The following ASIC2 variants were observed in gnomAD, a reference collection of about 807,000 sequenced individuals.
ASIC2 encodes acid sensing ion channel subunit 2, also known as acid-sensing ion channel 2.
ASIC2 carries 25 observed loss-of-function variants against 57.3 expected under a neutral mutation model. The observed-to-expected ratio is 0.44, with a 90% confidence interval of 0.32 to 0.61. ASIC2 has a LOEUF of 0.61. Ranked by LOEUF, ASIC2 falls within the 20% of genes least tolerant of loss-of-function variation. The pLI is 0.06. For missense variants in ASIC2, 641 were observed against 738.1 expected, an observed-to-expected ratio of 0.87 and a Z score of 1.52; for synonymous variants, 319 against 307.5, an observed-to-expected ratio of 1.04 and a Z score of -0.39.
At chr17:33,524,468 A>ATGAGAATTT (rs1245557273) in intron 1 of ASIC2, among the ~76,000 whole-genome samples, 1 of 152,212 alleles carries the variant, frequency 6.6e-6, no homozygotes. Context: ...TATGATGGAA[A>ATGAGAATTT]TGAGAATTTA....
chr17:33,299,322 C>T (rs182815934), intron 1 of ASIC2, among the ~76,000 whole-genome samples: 87 of 152,284 alleles, frequency 5.7e-4, no homozygotes, highest in African/African-American at 2.0e-3. Flanking sequence ...CTAGAGGTGG[C>T]CAGTGTTATA....
At chr17:33,311,882 CTCAGCAAATGGCTCCACCA>C (rs1035787653) in intron 1 of ASIC2, among the ~76,000 whole-genome samples, 12 of 152,310 alleles carry the variant, frequency 7.9e-5, no homozygotes, top group South Asian at 2.1e-4. Flanking sequence ...TCTTGAGTTT[CTCAGCAAATGGCTCCACCA>C]TCAGCAAATG....
intron 3 of ASIC2, among the ~76,000 whole-genome samples, chr17:33,037,066 A>G (rs946731962): frequency 2.0e-5 from 3 of 150,068 alleles, no homozygotes; most frequent in African/African-American, 4.9e-5. Flanking sequence ...ATGTTTATCT[A>G]TGTAACAAAC....
At position 33,882,238 on chromosome 17, in the gene ASIC2, A is replaced by G. The variant is rs182679293; in HGVS notation, c.555+273740T>C. 9.5e-3 allele frequency among the ~76,000 whole-genome samples: 1,444 copies of G among 152,368 alleles called. 18 individuals carry two copies. Among genetic ancestry groups the G allele is most frequent in the African/African-American group, 0.033 (1,378 of 41,580 alleles). On this transcript the variant is annotated intron_variant, in intron 1 of 9. Transcript: ENST00000359872. ...GTCTAAAACACCAAAAGCAATGGCA[A>G]TAAAAGCCAAAATTGACAAATGGGA...
intron 1 of ASIC2, chr17:34,038,006 G>A: frequency 1.2e-6 from 2 of 1,613,426 alleles, no homozygotes; most frequent in Non-Finnish European, 1.7e-6. Context: ...ACACTCTGGT[G>A]GTAAATACCA....
At chr17:33,592,128 C>T (rs1251298848) in intron 1 of ASIC2, among the ~76,000 whole-genome samples, 1 of 152,170 alleles carries the variant, frequency 6.6e-6, no homozygotes. Flanking sequence ...TGAGGACACA[C>T]CAGCACACAA....
chr17:33,636,419 G>A (rs996159376), intron 1 of ASIC2, among the ~76,000 whole-genome samples: 4 of 152,140 alleles, frequency 2.6e-5, no homozygotes, highest in African/African-American at 7.2e-5. Context: ...CCTACCATGT[G>A]TCAGGACATC....
At chr17:33,741,087 G>A (rs1222040882) in intron 1 of ASIC2, among the ~76,000 whole-genome samples, 1 of 152,200 alleles carries the variant, frequency 6.6e-6, no homozygotes, top group Non-Finnish European at 1.5e-5. Context: ...AGTGCACGGA[G>A]CTGTCGAAGG....
At chr17:33,476,891 T>C (rs1230139110) in intron 1 of ASIC2, among the ~76,000 whole-genome samples, 1 of 152,090 alleles carries the variant, frequency 6.6e-6, no homozygotes, top group African/African-American at 2.4e-5. Context: ...AGAAATGGTT[T>C]GCATATAGGA....
At chr17:33,062,798 A>T (rs1247724976) in intron 3 of ASIC2, among the ~76,000 whole-genome samples, 4 of 152,140 alleles carry the variant, frequency 2.6e-5, no homozygotes, top group African/African-American at 9.7e-5. Flanking sequence ...TGGGAGTCTA[A>T]GTCTCTTTGT....
At chr17:33,237,608 A>G (rs1908345166) in intron 1 of ASIC2, among the ~76,000 whole-genome samples, 1 of 152,168 alleles carries the variant, frequency 6.6e-6, no homozygotes, top group African/African-American at 2.4e-5. Context: ...CTGGGATTAC[A>G]GGTGTGAGCC....
intron 1 of ASIC2, chr17:33,541,364 A>C (rs1265774676): frequency 6.6e-6 from 1 of 152,208 alleles, no homozygotes; most frequent in Non-Finnish European, 1.5e-5. Flanking sequence ...CAGAAACCCC[A>C]CAATGTCCCC....
intron 6 of ASIC2, among the ~76,000 whole-genome samples, chr17:33,023,658 T>G (rs1273274098): frequency 1.3e-5 from 2 of 152,124 alleles, no homozygotes; most frequent in African/African-American, 4.8e-5. Flanking sequence ...GACTGCAAGC[T>G]CCTTAAGGGC....
intron 1 of ASIC2, among the ~76,000 whole-genome samples, chr17:33,872,769 C>A (rs1250893456): frequency 1.3e-5 from 2 of 152,134 alleles, no homozygotes; most frequent in Admixed American, 1.3e-4. Context: ...AGGAGAAATT[C>A]CTTAGAGATA....
In ASIC2 at chr17:33,894,346, CGTGCGT is replaced by C. The variant is rs1430258379; in HGVS notation, c.555+261626_555+261631del. On this transcript the variant is annotated intron_variant, in intron 1 of 9. Transcript: ENST00000359872. ...GAAGCTCTGCGTGCGTGCGTGCGTG[CGTGCGT>C]GTGTGTGTGTGTGTGTGTGTGTGTG... 2.0e-3 allele frequency among the ~76,000 whole-genome samples: 172 copies of C among 87,404 alleles called. 1 individual carries two copies. The highest frequency in any genetic ancestry group is 5.1e-3 in the African/African-American group (162 of 31,848). 57.3% of individuals were successfully genotyped at this position (87,404 alleles called of 152,430 possible). A position where few individuals can be genotyped will look rare whatever the true frequency, so the allele number is the denominator to read the frequency against.
intron 1 of ASIC2, among the ~76,000 whole-genome samples, chr17:34,150,983 G>A (rs1441738858): frequency 4.6e-5 from 7 of 151,928 alleles, no homozygotes; most frequent in Admixed American, 6.6e-5. Flanking sequence ...GGCGCCTGTA[G>A]TCCCAGCTAC....
chr17:33,511,929 G>T (rs1914441756), intron 1 of ASIC2, among the ~76,000 whole-genome samples: 1 of 152,130 alleles, frequency 6.6e-6, no homozygotes, highest in African/African-American at 2.4e-5. Flanking sequence ...CAGCTCATGT[G>T]GTAATGCAAA....
At position 33,125,195 on chromosome 17, in the gene ASIC2, C is replaced by CT. The variant is rs551051984; in HGVS notation, c.709-13129dup. Among the ~76,000 whole-genome samples the CT allele has an allele frequency of 4.5e-4, 68 of 152,248 alleles. No homozygotes were observed. The East Asian group carries it at 5.8e-3, about 13-fold the overall frequency. On this transcript the variant is annotated intron_variant, in intron 1 of 9. Coordinates refer to ENST00000225823, the MANE Select transcript of ASIC2 (RefSeq NM_183377.2). ...CAATATGAGGGTCACAACTTGAGGGCTTGGGTAGAAGGGACTCATGAGTGA... is the reference window on the plus strand; with the variant it reads ...CAATATGAGGGTCACAACTTGAGGGCTTTGGGTAGAAGGGACTCATGAGTGA...
chr17:33,332,822 T>C (rs1907368500), intron 1 of ASIC2, among the ~76,000 whole-genome samples: 1 of 151,972 alleles, frequency 6.6e-6, no homozygotes. Context: ...ACCCAGGAGG[T>C]GGAGGCTGCA....
Sources: gnomAD v4.1 joint callset for allele counts (sites outside exome capture counted in the v4.1 genomes callset) on GRCh38, gnomAD v4.1.1 for gene constraint, MANE v1.5 for transcripts, NCBI Gene and HGNC (gene_info 2026-07-23, HGNC 2026-07-21) for gene names.